The following FANCL variants were observed in gnomAD, a reference collection of about 807,000 sequenced individuals.
The protein encoded by FANCL is FA complementation group L.
In FANCL, 69 loss-of-function variants were observed where a neutral mutation model predicts 59.4. The ratio of observed to expected loss-of-function variants is 1.16; its 90% CI spans 0.96 to 1.42. The LOEUF is 1.42. FANCL is among the 40% of genes most tolerant of loss of function. FANCL has a pLI of 0.00. For missense variants in FANCL, 519 were observed against 447.2 expected (o/e 1.16, Z -1.45); for synonymous variants, 180 against 147.1 (o/e 1.22, Z -1.62).
At chr2:58,190,261 C>A (rs978014325) in intron 7 of FANCL, among the ~76,000 whole-genome samples, 10 of 152,000 alleles carry the variant, frequency 6.6e-5, no homozygotes, top group Non-Finnish European at 1.2e-4. Flanking sequence ...TTTAAAAAAT[C>A]TGCTAGTGTT....
chr2:58,159,603 TAGTGA>T lies in FANCL; in HGVS notation c.*157_*161del. 6.2e-7 allele frequency: 1 copy of T among 1,613,872 alleles called. No individual in the cohort carries two copies. The highest frequency in any genetic ancestry group is 1.1e-5 in the South Asian group (1 of 91,066). ...GGCCTACAATTTCCCAGTTTACTCT[TAGTGA>T]AGAGACAAACGCAGATGTTTATTAT... On this transcript the variant is annotated 3_prime_UTR_variant, in exon 14 of 14. Transcript: ENST00000233741.
chr2:58,177,085 C>T (rs1016613036), intron 7 of FANCL, among the ~76,000 whole-genome samples: 1 of 152,192 alleles, frequency 6.6e-6, no homozygotes, highest in African/African-American at 2.4e-5. Flanking sequence ...AACGAGATAT[C>T]ATCTCACACC....
intron 7 of FANCL, among the ~76,000 whole-genome samples, chr2:58,195,203 TTTC>T (rs1276226464): frequency 2.0e-5 from 3 of 152,110 alleles, no homozygotes; most frequent in Non-Finnish European, 2.9e-5. Context: ...AAGTCTCACA[TTTC>T]TTCTTATTTT....
intron 1 of FANCL, among the ~76,000 whole-genome samples, chr2:58,239,363 T>C (rs774453026): frequency 6.6e-6 from 1 of 152,170 alleles, no homozygotes; most frequent in East Asian, 1.9e-4. Context: ...AAAAATGCAT[T>C]AGCTGAATTT....
intron 7 of FANCL, among the ~76,000 whole-genome samples, chr2:58,183,443 T>C (rs1290019800): frequency 6.6e-6 from 1 of 151,874 alleles, no homozygotes; most frequent in Non-Finnish European, 1.5e-5. Context: ...ACTCCCCTTA[T>C]TAGTTACTGC....
chr2:58,169,756 T>C (rs1573548513), intron 7 of FANCL, among the ~76,000 whole-genome samples: 1 of 151,900 alleles, frequency 6.6e-6, no homozygotes, highest in East Asian at 1.9e-4. Flanking sequence ...TTGTGAAGCA[T>C]ACACAAGTAT....
chr2:58,220,056 A>C (rs1056007232), intron 5 of FANCL, among the ~76,000 whole-genome samples: 1 of 151,782 alleles, frequency 6.6e-6, no homozygotes, highest in Non-Finnish European at 1.5e-5. Context: ...AAACTGAGAA[A>C]ACATATAAAA....
In FANCL at chr2:58,159,409, A is replaced by G. The variant is rs779903784; in HGVS notation, c.*356T>C. 2.5e-6 allele frequency: 4 copies of G among 1,613,466 alleles called. No individual in the cohort carries two copies. The highest frequency in any genetic ancestry group is 3.4e-6 in the Non-Finnish European group (4 of 1,179,720). The stretch of plus-strand genomic sequence containing the variant: ...TCAAGAACCTTTGAATGAAGTAAAC[A>G]GTTTCCCACAAAAAATCAGCTATAC... On this transcript the variant is annotated 3_prime_UTR_variant, in exon 14 of 14. Transcript: ENST00000233741.
intron 4 of FANCL, 95 bp downstream of exon 4, chr2:58,226,633 A>G: frequency 1.1e-6 from 1 of 905,546 alleles, no homozygotes; most frequent in Non-Finnish European, 1.8e-6. Context: ...AGTTAAGAAG[A>G]CAAATTCTAA....
intron 5 of FANCL, among the ~76,000 whole-genome samples, chr2:58,208,356 G>A (rs1267485005): frequency 6.6e-6 from 1 of 151,952 alleles, no homozygotes; most frequent in Non-Finnish European, 1.5e-5. Context: ...TTTACTTTTG[G>A]CACTCCACTT....
intron 5 of FANCL, among the ~76,000 whole-genome samples, chr2:58,219,171 AAT>A (rs869094167): frequency 0.035 from 675 of 19,200 alleles, 27 homozygotes; most frequent in East Asian, 0.051. Flanking sequence ...AAAAAAAAAA[AAT>A]ATATATATAT....
intron 7 of FANCL, among the ~76,000 whole-genome samples, chr2:58,180,474 G>A (rs909781146): frequency 1.3e-5 from 2 of 151,994 alleles, no homozygotes; most frequent in Admixed American, 1.3e-4. Flanking sequence ...ACCAAACACT[G>A]CATGTTCTCA....
chr2:58,208,122 T>C (rs1172257662), intron 5 of FANCL, among the ~76,000 whole-genome samples: 3 of 152,096 alleles, frequency 2.0e-5, no homozygotes, highest in Non-Finnish European at 4.4e-5. Context: ...AATAAATAAC[T>C]TTCATTCACT....
intron 6 of FANCL, among the ~76,000 whole-genome samples, chr2:58,200,593 T>C (rs1452907865): frequency 1.3e-5 from 2 of 152,024 alleles, no homozygotes; most frequent in African/African-American, 4.8e-5. Flanking sequence ...GTTTACTGTA[T>C]TTGGAGTAGA....
chr2:58,203,214 T>C (rs1690223766), intron 6 of FANCL, among the ~76,000 whole-genome samples: 1 of 151,958 alleles, frequency 6.6e-6, no homozygotes, highest in Non-Finnish European at 1.5e-5. Flanking sequence ...GAATTAGTCA[T>C]TTCTCAACCT....
At chr2:58,222,751 A>G (rs566812296) in intron 4 of FANCL, among the ~76,000 whole-genome samples, 1 of 152,208 alleles carries the variant, frequency 6.6e-6, no homozygotes, top group East Asian at 1.9e-4. Flanking sequence ...TTACCAACCT[A>G]GATAGACAGC....
intron 7 of FANCL, among the ~76,000 whole-genome samples, chr2:58,183,317 T>C (rs889285468): frequency 4.0e-5 from 6 of 151,898 alleles, no homozygotes; most frequent in African/African-American, 1.4e-4. Context: ...GCTTCAGAGT[T>C]ACAGGATGGT....
chr2:58,191,560 A>G (rs1342084077), intron 7 of FANCL, among the ~76,000 whole-genome samples: 1 of 151,842 alleles, frequency 6.6e-6, no homozygotes, highest in Non-Finnish European at 1.5e-5. Flanking sequence ...ATTGACCATG[A>G]TTTTTCATTA....
At chr2:58,181,766 T>C (rs1043035536) in intron 7 of FANCL, among the ~76,000 whole-genome samples, 4 of 151,790 alleles carry the variant, frequency 2.6e-5, no homozygotes, top group Admixed American at 6.6e-5. Context: ...AAATTTGTAA[T>C]AAAACATTGG....
Sources: allele counts gnomAD v4.1 joint callset (sites outside exome capture counted in the v4.1 genomes callset), GRCh38; gene constraint gnomAD v4.1.1; transcripts MANE v1.5; gene names NCBI Gene and HGNC (gene_info 2026-07-23, HGNC 2026-07-21).